METTL8: variants seen among roughly 807,000 people sequenced by gnomAD.
METTL8 encodes the protein tRNA N(3)-cytidine methyltransferase METTL8, mitochondrial.
A neutral mutation model predicts 48.7 loss-of-function variants in METTL8; 32 were observed. The observed-to-expected ratio is 0.66, with a 90% CI of 0.50 to 0.88. METTL8 has a LOEUF of 0.88. METTL8 is among the 40% of genes least tolerant of loss of function. The pLI is 0.00. For missense variants in METTL8, 464 were observed against 474.4 expected, an observed-to-expected ratio of 0.98 and a Z score of 0.20; for synonymous variants, 136 against 157.1, an observed-to-expected ratio of 0.87 and a Z score of 1.01.
At chr2:171,413,618 C>T (rs1690974992) in intron 1 of METTL8, among the ~76,000 whole-genome samples, 1 of 152,088 alleles carries the variant, frequency 6.6e-6, no homozygotes, top group African/African-American at 2.4e-5. Flanking sequence ...TCTTAGGTTA[C>T]ATTTCAAATG....
intron 1 of METTL8, among the ~76,000 whole-genome samples, chr2:171,424,775 G>T (rs1692234549): frequency 6.6e-6 from 1 of 152,118 alleles, no homozygotes; most frequent in Non-Finnish European, 1.5e-5. Flanking sequence ...TTAGATTTTT[G>T]AGTTAATGCT....
intron 3 of METTL8, among the ~76,000 whole-genome samples, chr2:171,353,107 G>A (rs922286195): frequency 1.3e-5 from 2 of 152,190 alleles, no homozygotes; most frequent in African/African-American, 4.8e-5. Flanking sequence ...TGGGCCTTTA[G>A]TGCTATAAAT....
rs1313764130 is a variant in METTL8 at position 171,351,916 on chromosome 2, A to C, written c.235+8506T>G. 2.0e-5 allele frequency among the ~76,000 whole-genome samples: 3 copies of C among 152,278 alleles called. No homozygotes were observed. The East Asian group carries it at 5.8e-4, about 29-fold the overall frequency. On this transcript the variant is annotated intron_variant, in intron 3 of 9. Coordinates refer to ENST00000375258, the MANE Select transcript of METTL8 (RefSeq NM_001321154.2). The stretch of plus-strand genomic sequence containing the variant: ...CAATCATGTCATCTGCAAATAGGGA[A>C]AATTTGACTTTCTCTTTTCCTAATT...
chr2:171,421,657 C>T (rs1691891887), intron 1 of METTL8, among the ~76,000 whole-genome samples: 1 of 152,118 alleles, frequency 6.6e-6, no homozygotes, highest in Non-Finnish European at 1.5e-5. Flanking sequence ...TGGGTTTAAA[C>T]TTCATGGGTC....
Position 171,330,690 on chromosome 2 carries a change from C to T in METTL8, c.729G>A (p.Ser243=), listed in dbSNP as rs138263083. Residue 243 remains serine (S), a synonymous_variant, in exon 7 of 10, where the codon TCG becomes TCA. Coordinates refer to ENST00000375258, the MANE Select transcript of METTL8 (RefSeq NM_001321154.2). The part of the protein sequence containing the change: ...SGAVELVKSH[S]SYRATQCFAF... ...CAAAACACTGGGTTGCTCTGTAGGA[C>T]GAGTGTGACTGTCATGATAAAGGAA... 4 of 1,609,214 alleles carry T rather than the reference C, an allele frequency of 2.5e-6. No homozygotes were observed. The highest frequency in any genetic ancestry group is 1.3e-5 in the African/African-American group (1 of 74,530).
chr2:171,361,842 T>C (rs1184497070), intron 2 of METTL8, among the ~76,000 whole-genome samples: 4 of 152,168 alleles, frequency 2.6e-5, no homozygotes, highest in South Asian at 2.1e-4. Context: ...ATTCTCCTAG[T>C]GCAAGCAGGT....
intron 1 of METTL8, among the ~76,000 whole-genome samples, chr2:171,411,588 C>T (rs759697226): frequency 6.6e-6 from 1 of 151,938 alleles, no homozygotes; most frequent in African/African-American, 2.4e-5. Context: ...CTGGCCTATT[C>T]AAAGATGTAT....
chr2:171,360,332 G>C, intron 3 of METTL8, 90 bp downstream of exon 3: 1 of 1,018,456 alleles, frequency 9.8e-7, no homozygotes, highest in Non-Finnish European at 1.5e-6. Flanking sequence ...GGCATCAGGA[G>C]AGGCTAAGAA....
intron 2 of METTL8, among the ~76,000 whole-genome samples, chr2:171,361,416 T>C (rs1269706773): frequency 1.3e-5 from 2 of 152,158 alleles, no homozygotes; most frequent in African/African-American, 2.4e-5. Flanking sequence ...ATGATATATG[T>C]AGTAGTCACC....
chr2:171,330,232 G>A (rs1284688627), intron 7 of METTL8, among the ~76,000 whole-genome samples: 1 of 152,166 alleles, frequency 6.6e-6, no homozygotes, highest in Non-Finnish European at 1.5e-5. Context: ...TGATCACCAA[G>A]TACAATTTCC....
chr2:171,401,465 T>C (rs904387100), intron 1 of METTL8, among the ~76,000 whole-genome samples: 1 of 152,154 alleles, frequency 6.6e-6, no homozygotes, highest in Non-Finnish European at 1.5e-5. Flanking sequence ...GCAGAGCATT[T>C]TGATCACACT....
At chr2:171,434,038 G>A (rs554006456), upstream of METTL8, 56 of 286,794 alleles carry the variant, frequency 2.0e-4, no homozygotes, top group East Asian at 4.6e-3. Context: ...GCACACACGG[G>A]GCGGAGACCT....
chr2:171,325,828 T>C lies in METTL8; in HGVS notation c.1033+13A>G, dbSNP rs1332265130. The C allele has an allele frequency of 6.7e-7, 1 of 1,491,704 alleles. No homozygotes were observed. Among genetic ancestry groups the C allele is most frequent in the Non-Finnish European group, 9.2e-7 (1 of 1,085,852 alleles). The allele number at this position is 1,491,704 out of a possible 1,614,324, so 92.4% of individuals were successfully genotyped here. On this transcript the variant is annotated intron_variant, in intron 9 of 9. Coordinates refer to ENST00000375258, the MANE Select transcript of METTL8 (RefSeq NM_001321154.2). ...GATTATGACCAATTATTTCCTTTTG[T>C]AGATTAGCATACCTTTTGTAAAGAA... is the stretch of plus-strand genomic sequence containing the variant.
At chr2:171,326,370 T>A in intron 7 of METTL8, 1 of 471,842 alleles carries the variant, frequency 2.1e-6, no homozygotes, top group South Asian at 3.7e-5. Flanking sequence ...TATCAAGAAA[T>A]CACCCAAATG....
rs887919554 is a variant in METTL8, at chr2:171,397,574, AAGAG to A, written c.-12-5381_-12-5378del. Among the ~76,000 whole-genome samples, 1,191 of 148,194 alleles carry A rather than the reference AAGAG, an allele frequency of 8.0e-3. 14 individuals are homozygous for A. The highest frequency in any genetic ancestry group is 0.027 in the African/African-American group (1,085 of 39,938). On this transcript the variant is annotated intron_variant, in intron 1 of 9. Transcript: ENST00000375258. ...GCCTCAAAAAAAAAAAAAAAAAAAA[AAGAG>A]AGAGAGAGAGGGAAGGAGGGAAAAT...
intron 1 of METTL8, among the ~76,000 whole-genome samples, chr2:171,424,255 G>A (rs1692171888): frequency 6.6e-6 from 1 of 152,198 alleles, no homozygotes; most frequent in African/African-American, 2.4e-5. Context: ...CTCTGCTATG[G>A]CAGTGCGGAA....
intron 2 of METTL8, among the ~76,000 whole-genome samples, chr2:171,360,847 C>T (rs963585573): frequency 1.3e-5 from 2 of 152,142 alleles, no homozygotes; most frequent in African/African-American, 4.8e-5. Flanking sequence ...AATTTATTTG[C>T]CTTTTTGTTA....
At chr2:171,370,028 T>C (rs1034282530) in intron 2 of METTL8, among the ~76,000 whole-genome samples, 3 of 150,892 alleles carry the variant, frequency 2.0e-5, no homozygotes, top group Non-Finnish European at 4.4e-5. Flanking sequence ...ATCATGCCAT[T>C]GCACTCCAGC....
chr2:171,434,467 G>T (rs80336595), upstream of METTL8: 1,171 of 1,509,542 alleles, frequency 7.8e-4, 8 homozygotes, highest in East Asian at 0.011. Flanking sequence ...CCTGGGCCCC[G>T]CCGGGAAAGT....
Sources: allele counts gnomAD v4.1 joint callset (sites outside exome capture counted in the v4.1 genomes callset), GRCh38; gene constraint gnomAD v4.1.1; transcripts MANE v1.5; gene names NCBI Gene and HGNC (gene_info 2026-07-23, HGNC 2026-07-21).